The following PGBD5 variants were observed in gnomAD, a reference collection of about 807,000 sequenced individuals.
PGBD5 encodes piggyBac transposable element derived 5, also known as piggyBac transposable element-derived protein 5.
PGBD5 carries 14 observed loss-of-function variants against 47.9 expected under a neutral mutation model. The ratio of observed to expected loss-of-function variants is 0.29; its 90% CI spans 0.19 to 0.46. The LOEUF (loss-of-function observed/expected upper bound fraction) is 0.46, where lower values mean the gene tolerates loss of function less well. Among genes scored for constraint, PGBD5 ranks in the 20% least tolerant of loss-of-function variants. The probability of loss-of-function intolerance (pLI) is 1.00; values close to 1 mark genes in which losing one functional copy is unlikely to be tolerated. For synonymous variants in PGBD5, 316 were observed against 306.3 expected (o/e 1.03, Z -0.33); for missense variants, 635 against 716.0 (o/e 0.89, Z 1.29).
At chr1:230,368,155 G>A (rs780515064) in intron 1 of PGBD5, 1 of 1,366,964 alleles carries the variant, frequency 7.3e-7, no homozygotes, top group East Asian at 4.5e-5. Context: ...CTGCGGAGGA[G>A]GAATAAGGTG....
chr1:230,339,757 G>A (rs919542389), intron 3 of PGBD5, among the ~76,000 whole-genome samples: 3 of 152,234 alleles, frequency 2.0e-5, no homozygotes, highest in Non-Finnish European at 4.4e-5. Flanking sequence ...AGCACAGGAA[G>A]AGAAACACTG....
At chr1:230,351,681 C>A (rs528922677) in intron 2 of PGBD5, among the ~76,000 whole-genome samples, 2 of 152,312 alleles carry the variant, frequency 1.3e-5, no homozygotes, top group African/African-American at 4.8e-5. Flanking sequence ...CCAGGCTGAA[C>A]CTCCTCTTTT....
intron 1 of PGBD5, among the ~76,000 whole-genome samples, chr1:230,389,656 C>T (rs1276997701): frequency 2.6e-5 from 4 of 152,120 alleles, no homozygotes; most frequent in Non-Finnish European, 4.4e-5. Context: ...CCAGAGAATA[C>T]AGTTGAGAGA....
intron 3 of PGBD5, among the ~76,000 whole-genome samples, chr1:230,343,315 T>C (rs981015656): frequency 6.6e-6 from 1 of 152,198 alleles, no homozygotes; most frequent in Non-Finnish European, 1.5e-5. Context: ...GGGCTCTCTG[T>C]ACACACTCAT....
chr1:230,358,455 C>T (rs1422818056), intron 1 of PGBD5, among the ~76,000 whole-genome samples: 2 of 152,078 alleles, frequency 1.3e-5, no homozygotes, highest in East Asian at 1.9e-4. Context: ...TTTCATTAAA[C>T]GTTCCCTATG....
chr1:230,344,171 G>A (rs540573363), intron 3 of PGBD5, among the ~76,000 whole-genome samples: 1 of 151,208 alleles, frequency 6.6e-6, no homozygotes, highest in Non-Finnish European at 1.5e-5. Flanking sequence ...TGTAGTCCCA[G>A]CTACTCGGGA....
intron 1 of PGBD5, among the ~76,000 whole-genome samples, chr1:230,424,431 C>G (rs1657725549): frequency 6.6e-6 from 1 of 152,200 alleles, no homozygotes; most frequent in Non-Finnish European, 1.5e-5. Flanking sequence ...GCATCCACAC[C>G]GCAGCCTGCC....
rs1187193253 is a variant in PGBD5, at chr1:230,391,503, G to A, written c.331+34095C>T. 3.3e-5 allele frequency among the ~76,000 whole-genome samples: 5 copies of A among 152,090 alleles called. No homozygotes were observed. The South Asian group carries it at 8.3e-4, about 25-fold the overall frequency. The stretch of plus-strand genomic sequence containing the variant: ...GTGTACCTTATGTGTGAAATTTCCC[G>A]GAATCAGGGAAAAGTATAACACACA... On this transcript the variant is annotated intron_variant, in intron 1 of 6. Transcript: ENST00000391860.
In PGBD5 at chr1:230,425,852, A is replaced by G; in HGVS notation, c.77T>C (p.Leu26Pro). ...GCCGAACACGTCGTCCGAGATGTGC[A>G]GGCTCTCGTAGCGCGCGCGGGCAGC... Reference protein sequence around the residue: ...LEAARARYESLHISDDVFGES... With the variant: ...LEAARARYESPHISDDVFGES... The change falls in exon 1 of 7, where the codon CTG becomes CCG. Residue 26 changes from leucine to proline, a missense_variant. Coordinates refer to ENST00000391860, the MANE Select transcript of PGBD5 (RefSeq NM_001258311.2). The surrounding 1 kb of genome is among the most constrained non-coding windows in gnomAD (Gnocchi z 4.7). 8.4e-7 allele frequency: 1 copy of G among 1,197,590 alleles called. No homozygotes were observed. Among genetic ancestry groups the G allele is most frequent in the Non-Finnish European group, 1.0e-6 (1 of 966,760 alleles). 74.2% of individuals were successfully genotyped at this position (1,197,590 alleles called of 1,614,324 possible). A position where few individuals can be genotyped will look rare whatever the true frequency, so the allele number is the denominator to read the frequency against.
Position 230,337,298 on chromosome 1 carries a change from A to C in PGBD5, c.895-10T>G, listed in dbSNP as rs1667341398. On this transcript the variant is annotated splice_polypyrimidine_tract_variant and intron_variant, in intron 3 of 6. Transcript: ENST00000391860. ...TCAGGTGGACATAAATCTTTAACAG[A>C]AACACACAGAGGTTAGCGTGCTCAC... is the stretch of plus-strand genomic sequence containing the variant. The C allele has an allele frequency of 6.2e-7, 1 of 1,602,542 alleles. No homozygotes were observed. Among genetic ancestry groups the C allele is most frequent in the South Asian group, 1.1e-5 (1 of 89,940 alleles).
chr1:230,325,289 T>C (rs1369091705), intron 6 of PGBD5, 21 bp downstream of exon 6: 1 of 1,571,024 alleles, frequency 6.4e-7, no homozygotes, highest in Non-Finnish European at 8.7e-7. Context: ...CCTTCTGTCA[T>C]GGAGGTGCCC....
intron 1 of PGBD5, among the ~76,000 whole-genome samples, chr1:230,412,512 C>G (rs1023291139): frequency 1.3e-5 from 2 of 151,796 alleles, no homozygotes; most frequent in African/African-American, 4.8e-5. Context: ...CCTCAGCCTC[C>G]CGAGTAGCTG....
At chr1:230,420,095 C>T (rs1011048132) in intron 1 of PGBD5, among the ~76,000 whole-genome samples, 5 of 152,136 alleles carry the variant, frequency 3.3e-5, no homozygotes, top group African/African-American at 4.8e-5. Flanking sequence ...CATTGCACTC[C>T]AGCCTGGGCA....
At chr1:230,417,669 C>T (rs35517185) in intron 1 of PGBD5, among the ~76,000 whole-genome samples, 6,642 of 152,284 alleles carry the variant, frequency 0.044, 184 homozygotes, top group Non-Finnish European at 0.063. Flanking sequence ...TCCAGAAATG[C>T]CGCCTCTTCT....
intron 1 of PGBD5, among the ~76,000 whole-genome samples, chr1:230,387,223 C>T (rs570366009): frequency 2.0e-5 from 3 of 152,208 alleles, no homozygotes; most frequent in South Asian, 2.1e-4. Context: ...ACAAGAGATG[C>T]GCTTTGAAGC....
chr1:230,376,074 T>C (rs1324873713), intron 1 of PGBD5, among the ~76,000 whole-genome samples: 3 of 150,956 alleles, frequency 2.0e-5, no homozygotes, highest in South Asian at 2.1e-4. Context: ...AGCCTCTTTG[T>C]TTGACAGGGA....
chr1:230,411,841 T>C (rs1200231490), intron 1 of PGBD5, among the ~76,000 whole-genome samples: 1 of 152,104 alleles, frequency 6.6e-6, no homozygotes, highest in Admixed American at 6.5e-5. Flanking sequence ...AAATTAATTA[T>C]GGAAAAGACT....
intron 1 of PGBD5, among the ~76,000 whole-genome samples, chr1:230,402,376 C>T (rs1657157371): frequency 6.6e-6 from 1 of 152,242 alleles, no homozygotes; most frequent in Non-Finnish European, 1.5e-5. Flanking sequence ...AAGTGAGAAG[C>T]TATCTCTACA....
intron 1 of PGBD5, among the ~76,000 whole-genome samples, chr1:230,420,819 T>A (rs1406555717): frequency 6.6e-6 from 1 of 152,234 alleles, no homozygotes; most frequent in Admixed American, 6.5e-5. Flanking sequence ...CTTTTTCTTA[T>A]TTATTTTCTA....
Sources: allele counts gnomAD v4.1 joint callset (sites outside exome capture counted in the v4.1 genomes callset), GRCh38; gene constraint gnomAD v4.1.1; non-coding constraint Gnocchi (gnomAD v3.1); transcripts MANE v1.5; gene names NCBI Gene and HGNC (gene_info 2026-07-23, HGNC 2026-07-21).